Variants in RARB observed in about 807,000 individuals in gnomAD.
RARB encodes retinoic acid receptor beta, also known as HBV-activated protein.
A neutral mutation model predicts 51.9 loss-of-function variants in RARB; 17 were observed. The observed-to-expected ratio is 0.33, with a 90% CI of 0.22 to 0.49. RARB has a LOEUF of 0.49. Ranked by LOEUF, RARB falls within the 20% of genes least tolerant of loss-of-function variation. The probability of loss-of-function intolerance (pLI) is 0.99; values close to 1 mark genes in which losing one functional copy is unlikely to be tolerated. For missense variants in RARB, 369 were observed against 550.8 expected, an observed-to-expected ratio of 0.67 and a Z score of 3.30; for synonymous variants, 215 against 195.4, an observed-to-expected ratio of 1.10 and a Z score of -0.84.
Position 24,877,346 on chromosome 3 carries a change from C to CTTTTTTTTTTTTTTTTTTTT in RARB, c.-380+18611_-380+18612insTTTTTTTTTTTTTTTTTTTT, listed in dbSNP as rs66976672. Among the ~76,000 whole-genome samples, 458 of 81,854 alleles carry CTTTTTTTTTTTTTTTTTTTT rather than the reference C, an allele frequency of 5.6e-3. 77 individuals carry two copies. Among genetic ancestry groups the CTTTTTTTTTTTTTTTTTTTT allele is most frequent in the East Asian group, 0.011 (27 of 2,454 alleles). 53.7% of individuals were successfully genotyped at this position (81,854 alleles called of 152,430 possible). Reference sequence around the variant, plus strand: ...ATAGTAATTTTTTAAAGCAATCTTACTTTTTTTTTTTTTTTTTGGAAAATT... The same window carrying CTTTTTTTTTTTTTTTTTTTT: ...ATAGTAATTTTTTAAAGCAATCTTACTTTTTTTTTTTTTTTTTTTTTTTTTTTTTTTTTTTTTGGAAAATT... On this transcript the variant is annotated intron_variant, in intron 2 of 11. Coordinates refer to the RARB transcript ENST00000383772.
chr3:25,103,883 C>A (rs1699450160), intron 3 of RARB, among the ~76,000 whole-genome samples: 1 of 152,104 alleles, frequency 6.6e-6, no homozygotes, highest in African/African-American at 2.4e-5. Context: ...TAAAATTCTT[C>A]TTGTGAGTTT....
chr3:25,315,335 A>T (rs1373337019), intron 5 of RARB, among the ~76,000 whole-genome samples: 1 of 152,204 alleles, frequency 6.6e-6, no homozygotes, highest in East Asian at 1.9e-4. Flanking sequence ...GCAAAGTACA[A>T]AAAGAAAGCA....
intron 5 of RARB, among the ~76,000 whole-genome samples, chr3:25,207,941 C>A (rs994956030): frequency 2.6e-5 from 4 of 151,642 alleles, no homozygotes; most frequent in African/African-American, 9.7e-5. Flanking sequence ...CTGAAGAGGC[C>A]TCAGGGAGGT....
chr3:25,512,510 C>T (rs753709014), intron 3 of RARB, among the ~76,000 whole-genome samples: 2 of 152,248 alleles, frequency 1.3e-5, no homozygotes, highest in Non-Finnish European at 1.5e-5. Context: ...CTGTCCAACA[C>T]TGATCTCTTG....
intron 1 of RARB, among the ~76,000 whole-genome samples, chr3:25,445,600 G>T (rs1291096184): frequency 6.6e-6 from 1 of 152,118 alleles, no homozygotes; most frequent in Non-Finnish European, 1.5e-5. Flanking sequence ...CCAGGAGGCA[G>T]GGGTTGCAGT....
rs371356781 is a variant in RARB at position 25,555,541 on chromosome 3, A to G, written c.449-14217A>G. On this transcript the variant is annotated intron_variant, in intron 3 of 7. Coordinates refer to ENST00000330688, the MANE Select transcript of RARB (RefSeq NM_000965.5). ...GGATCCCCAGTTAATTTTTTTTTCT[A>G]GCTCTGTCAGGATTAAGTTTTAGTC... is the stretch of plus-strand genomic sequence containing the variant. 9 of 152,180 alleles carry G rather than the reference A, an allele frequency of 5.9e-5. No homozygotes were observed. The East Asian group carries it at 1.7e-3, about 29-fold the overall frequency. 9.4% of individuals were successfully genotyped at this position (152,180 alleles called of 1,614,324 possible).
chr3:25,014,106 C>A (rs1311429990), intron 2 of RARB, among the ~76,000 whole-genome samples: 1 of 152,084 alleles, frequency 6.6e-6, no homozygotes. Flanking sequence ...AAATAGAACA[C>A]TTTTTCCCTT....
At chr3:25,510,625 CA>C (rs200684569) in intron 3 of RARB, among the ~76,000 whole-genome samples, 10,205 of 149,234 alleles carry the variant, frequency 0.068, 460 homozygotes, top group Middle Eastern at 0.19. Context: ...GACCCTGTCT[CA>C]AAAAAAAAAT....
chr3:25,259,012 T>A, intron 5 of RARB: 1 of 985,086 alleles, frequency 1.0e-6, no homozygotes, highest in Non-Finnish European at 1.2e-6. Context: ...GTATATGGTG[T>A]CTGAGACTGC....
intron 5 of RARB, among the ~76,000 whole-genome samples, chr3:25,198,144 A>G (rs1440800867): frequency 5.3e-5 from 8 of 152,058 alleles, no homozygotes; most frequent in Non-Finnish European, 1.0e-4. Context: ...AATCATATTC[A>G]GCAAAGCTGC....
intron 1 of RARB, among the ~76,000 whole-genome samples, chr3:24,852,592 CA>C (rs922875650): frequency 1.3e-4 from 19 of 150,196 alleles, no homozygotes; most frequent in Non-Finnish European, 1.6e-4. Context: ...AATAGCCCAA[CA>C]AAAAAAAATA....
At chr3:25,308,713 G>T (rs1704212563) in intron 5 of RARB, among the ~76,000 whole-genome samples, 1 of 152,140 alleles carries the variant, frequency 6.6e-6, no homozygotes, top group African/African-American at 2.4e-5. Context: ...CTCCCAAAGT[G>T]CTGGGATTAC....
rs531156615 is a variant in RARB, at chr3:25,597,033, C to T, written c.*417C>T. The T allele has an allele frequency of 6.3e-6, 1 of 158,308 alleles. No homozygotes were observed. The highest frequency in any genetic ancestry group is 1.8e-4 in the East Asian group (1 of 5,448). The allele number at this position is 158,308 out of a possible 1,614,324, so 9.8% of individuals were successfully genotyped here. ...TGCATACTCAAAATAACCATGACACCAAGGTTATGAAATAGACTACTGTAC... is the reference window on the plus strand; with the variant it reads ...TGCATACTCAAAATAACCATGACACTAAGGTTATGAAATAGACTACTGTAC... On this transcript the variant is annotated 3_prime_UTR_variant, in exon 8 of 8. Coordinates refer to ENST00000330688, the MANE Select transcript of RARB (RefSeq NM_000965.5).
intron 2 of RARB, among the ~76,000 whole-genome samples, chr3:25,053,013 A>G (rs944140161): frequency 1.2e-4 from 18 of 152,208 alleles, no homozygotes; most frequent in Non-Finnish European, 1.5e-5. Flanking sequence ...AGTTTGGAGC[A>G]TTCCAATTTA....
chr3:24,945,649 T>C (rs1316482175), intron 2 of RARB, among the ~76,000 whole-genome samples: 1 of 152,254 alleles, frequency 6.6e-6, no homozygotes, highest in Admixed American at 6.5e-5. Flanking sequence ...GCGATCCTCT[T>C]TGGCAAGAAT....
At chr3:25,242,811 G>A (rs1247578803) in intron 5 of RARB, among the ~76,000 whole-genome samples, 1 of 152,096 alleles carries the variant, frequency 6.6e-6, no homozygotes, top group Non-Finnish European at 1.5e-5. Flanking sequence ...GGTTCCATAT[G>A]AAATTTAAAG....
intron 2 of RARB, among the ~76,000 whole-genome samples, chr3:24,955,507 C>T (rs1174226003): frequency 6.6e-6 from 1 of 152,170 alleles, no homozygotes; most frequent in South Asian, 2.1e-4. Flanking sequence ...TATTTTCCTC[C>T]CTCCTGTCCA....
chr3:25,309,320 T>C (rs1704229718), intron 5 of RARB, among the ~76,000 whole-genome samples: 2 of 149,514 alleles, frequency 1.3e-5, no homozygotes, highest in South Asian at 2.1e-4. Context: ...TTTTTTTTTT[T>C]AGCAGAGACG....
At chr3:25,551,957 AT>A (rs938023715) in intron 3 of RARB, among the ~76,000 whole-genome samples, 160 of 152,172 alleles carry the variant, frequency 1.1e-3, no homozygotes, top group African/African-American at 3.6e-3. Context: ...AGCTCAAGGC[AT>A]TTTTTTTATA....
Sources: gnomAD v4.1 joint callset for allele counts (sites outside exome capture counted in the v4.1 genomes callset) on GRCh38, gnomAD v4.1.1 for gene constraint, MANE v1.5 for transcripts, NCBI Gene and HGNC (gene_info 2026-07-23, HGNC 2026-07-21) for gene names.